Variants in PARD3 observed in about 807,000 individuals in gnomAD.
PARD3 encodes the protein par-3 family cell polarity regulator.
PARD3 carries 75 observed loss-of-function variants against 155.4 expected under a neutral mutation model. The observed-to-expected ratio is 0.48, with a 90% CI of 0.40 to 0.58. The LOEUF is 0.58. Among genes scored for constraint, PARD3 ranks in the 20% least tolerant of loss-of-function variants. The pLI, the probability that PARD3 is intolerant of heterozygous loss-of-function variation, is 0.00. For synonymous variants in PARD3, 576 were observed against 610.5 expected (o/e 0.94, Z 0.83); for missense variants, 1,642 against 1,721.7 (o/e 0.95, Z 0.82).
chr10:34,724,206 TTA>T (rs1315520632), intron 1 of PARD3, among the ~76,000 whole-genome samples: 8 of 152,200 alleles, frequency 5.3e-5, no homozygotes, highest in Non-Finnish European at 1.5e-5. Flanking sequence ...TATTGTTTAA[TTA>T]TTTATCTCTC....
chr10:34,800,364 C>CT (rs1389627328), intron 1 of PARD3, among the ~76,000 whole-genome samples: 3 of 152,004 alleles, frequency 2.0e-5, no homozygotes, highest in Non-Finnish European at 1.5e-5. Context: ...AATCCCAGCA[C>CT]TTTGGGAGGT....
intron 3 of PARD3, among the ~76,000 whole-genome samples, chr10:34,496,543 A>T (rs2080301143): frequency 6.6e-6 from 1 of 152,140 alleles, no homozygotes; most frequent in South Asian, 2.1e-4. Context: ...TTATATTAAG[A>T]CTCTACATCC....
chr10:34,516,932 C>A lies in PARD3; in HGVS notation c.403+47G>T, dbSNP rs1158458176. The A allele has an allele frequency of 1.9e-6, 3 of 1,547,716 alleles. No individual in the cohort carries two copies. In the African/African-American group the frequency reaches 4.1e-5, roughly 21 times the overall value. ...TGGATGAATAACAAAAGTTGGTATT[C>A]CTGTAAATTAAGATGAAATGGAAGA... On this transcript the variant is annotated intron_variant, in intron 3 of 24. Transcript: ENST00000374788.
chr10:34,129,289 A>G (rs1334146341), intron 23 of PARD3, among the ~76,000 whole-genome samples: 2 of 152,082 alleles, frequency 1.3e-5, no homozygotes, highest in Admixed American at 6.5e-5. Context: ...AGTAGCCTGG[A>G]TTACAGGCAT....
At chr10:34,806,824 C>G (rs1843456302) in intron 1 of PARD3, among the ~76,000 whole-genome samples, 1 of 152,110 alleles carries the variant, frequency 6.6e-6, no homozygotes, top group South Asian at 2.1e-4. Context: ...CCATGAGCAC[C>G]AAAACAAACC....
At chr10:34,484,287 T>C (rs559006947) in intron 3 of PARD3, among the ~76,000 whole-genome samples, 39 of 152,302 alleles carry the variant, frequency 2.6e-4, no homozygotes, top group Middle Eastern at 3.4e-3. Context: ...GAGCTACAAA[T>C]AAATTTTAGC....
intron 22 of PARD3, among the ~76,000 whole-genome samples, chr10:34,163,494 C>T (rs549783572): frequency 4.6e-5 from 7 of 152,160 alleles, no homozygotes; most frequent in Admixed American, 2.0e-4. Flanking sequence ...CACTCAACCA[C>T]GGAAAAAGAG....
At chr10:34,772,194 G>T (rs1057183023) in intron 1 of PARD3, among the ~76,000 whole-genome samples, 1 of 152,026 alleles carries the variant, frequency 6.6e-6, no homozygotes, top group Non-Finnish European at 1.5e-5. Flanking sequence ...AGGCTGAGGC[G>T]GGTGGATCAC....
intron 1 of PARD3, among the ~76,000 whole-genome samples, chr10:34,716,865 T>C (rs545626490): frequency 1.3e-5 from 2 of 152,252 alleles, no homozygotes; most frequent in East Asian, 3.9e-4. Flanking sequence ...GTGCTGGGAT[T>C]ACAGGTGTGA....
At chr10:34,519,883 A>AACATC (rs1247502593) in intron 2 of PARD3, among the ~76,000 whole-genome samples, 11 of 145,568 alleles carry the variant, frequency 7.6e-5, no homozygotes, top group African/African-American at 2.7e-4. Flanking sequence ...AACATAACAT[A>AACATC]AAAATAGAAA....
At chr10:34,612,655 C>T (rs1195992509) in intron 2 of PARD3, among the ~76,000 whole-genome samples, 2 of 152,144 alleles carry the variant, frequency 1.3e-5, no homozygotes. Context: ...CAATTCTTAC[C>T]CTAGAGGGCT....
intron 22 of PARD3, among the ~76,000 whole-genome samples, chr10:34,268,190 T>C (rs1382085471): frequency 6.6e-6 from 1 of 152,138 alleles, no homozygotes; most frequent in Admixed American, 6.5e-5. Flanking sequence ...TATATAGCCA[T>C]TAAAACACAA....
chr10:34,381,933 A>AG (rs1841892702), intron 9 of PARD3, among the ~76,000 whole-genome samples: 1 of 148,312 alleles, frequency 6.7e-6, no homozygotes, highest in African/African-American at 2.5e-5. Context: ...AAAAAAAAAA[A>AG]AAAAAAAAGA....
intron 2 of PARD3, among the ~76,000 whole-genome samples, chr10:34,673,792 A>T (rs1459187018): frequency 6.6e-6 from 1 of 152,134 alleles, no homozygotes; most frequent in Non-Finnish European, 1.5e-5. Context: ...GGAAATTGAG[A>T]CCAGTCTGGG....
intron 10 of PARD3, among the ~76,000 whole-genome samples, chr10:34,376,625 A>G (rs1048973147): frequency 3.3e-5 from 5 of 152,360 alleles, no homozygotes; most frequent in African/African-American, 1.2e-4. Flanking sequence ...CCTATTTAAC[A>G]TACGTTGTCA....
At chr10:34,692,416 A>C (rs893595877) in intron 2 of PARD3, among the ~76,000 whole-genome samples, 2 of 152,224 alleles carry the variant, frequency 1.3e-5, no homozygotes, top group African/African-American at 4.8e-5. Context: ...GGACCTAATT[A>C]AACTAAAAAC....
chr10:34,337,437 G>GA lies in PARD3; in HGVS notation c.2409-12dup. Reference sequence around the variant, plus strand: ...TCTGGACTCAAAGAGCTGGAGTGAAGAAAAAATAAAAATAAAAATATTTAC... The same window carrying GA: ...TCTGGACTCAAAGAGCTGGAGTGAAGAAAAAAATAAAAATAAAAATATTTAC... On this transcript the variant is annotated splice_polypyrimidine_tract_variant and intron_variant, in intron 16 of 24. Coordinates refer to ENST00000374788, the MANE Select transcript of PARD3 (RefSeq NM_001184785.2). The GA allele has an allele frequency of 6.6e-7, 1 of 1,521,670 alleles. No homozygotes were observed. The highest frequency in any genetic ancestry group is 8.8e-7 in the Non-Finnish European group (1 of 1,139,538). The allele number at this position is 1,521,670 out of a possible 1,614,324, so 94.3% of individuals were successfully genotyped here.
intron 1 of PARD3, among the ~76,000 whole-genome samples, chr10:34,813,690 T>C (rs1183996519): frequency 6.6e-6 from 1 of 152,208 alleles, no homozygotes; most frequent in Non-Finnish European, 1.5e-5. Context: ...TCTTAATTTC[T>C]GAGAGAACTG....
At chr10:34,149,820 A>G (rs1036313376) in intron 22 of PARD3, among the ~76,000 whole-genome samples, 7 of 152,216 alleles carry the variant, frequency 4.6e-5, no homozygotes, top group Admixed American at 2.0e-4. Context: ...TCGTAGATTA[A>G]GGATTTGATG....
Sources: gnomAD v4.1 joint callset for allele counts (sites outside exome capture counted in the v4.1 genomes callset) on GRCh38, gnomAD v4.1.1 for gene constraint, MANE v1.5 for transcripts, NCBI Gene and HGNC (gene_info 2026-07-23, HGNC 2026-07-21) for gene names.